The following FARS2 variants were observed in gnomAD, a reference collection of about 807,000 sequenced individuals.
The protein encoded by FARS2 is phenylalanyl-tRNA synthetase 2, mitochondrial.
A neutral mutation model predicts 46.4 loss-of-function variants in FARS2; 40 were observed. The observed-to-expected ratio is 0.86, with a 90% CI of 0.67 to 1.12. The LOEUF (loss-of-function observed/expected upper bound fraction) is 1.12, where lower values mean the gene tolerates loss of function less well. Among genes scored for constraint, FARS2 ranks in the 50% most tolerant of loss-of-function variants. The probability of loss-of-function intolerance (pLI) is 0.00; values close to 1 mark genes in which losing one functional copy is unlikely to be tolerated. For synonymous variants in FARS2, 234 were observed against 214.9 expected (o/e 1.09, Z -0.78); for missense variants, 513 against 567.9 (o/e 0.90, Z 0.98).
intron 6 of FARS2, among the ~76,000 whole-genome samples, chr6:5,656,391 T>C (rs1005866407): frequency 6.6e-6 from 1 of 152,132 alleles, no homozygotes; most frequent in Non-Finnish European, 1.5e-5. Flanking sequence ...GAATTGGAAG[T>C]GTTTGTAGAG....
rs114591011 is a variant in FARS2, at chr6:5,374,619, C to G, written c.612+5437C>G. Among the ~76,000 whole-genome samples the G allele has an allele frequency of 5.6e-3, 851 of 151,788 alleles. 2 individuals carry two copies. Among genetic ancestry groups the G allele is most frequent in the Non-Finnish European group, 9.8e-3 (668 of 67,836 alleles). On this transcript the variant is annotated intron_variant, in intron 2 of 6. Transcript: ENST00000274680. ...TTATGAGGTTAGACATGTTAATATC[C>G]CAACTAGATAAGAAAGAAAACTTTT...
At chr6:5,770,401 T>TTGGTGC (rs1762974371) in intron 6 of FARS2, among the ~76,000 whole-genome samples, 1 of 151,402 alleles carries the variant, frequency 6.6e-6, no homozygotes, top group Non-Finnish European at 1.5e-5. Flanking sequence ...TCTGTTGTTG[T>TTGGTGC]TGCTGCTGCT....
At chr6:5,749,906 C>T (rs1170485209) in intron 6 of FARS2, among the ~76,000 whole-genome samples, 1 of 152,176 alleles carries the variant, frequency 6.6e-6, no homozygotes, top group Admixed American at 6.5e-5. Context: ...CTCCAGCTGG[C>T]CGAGCGGAGT....
At chr6:5,606,403 C>T (rs911480190) in intron 5 of FARS2, among the ~76,000 whole-genome samples, 4 of 151,912 alleles carry the variant, frequency 2.6e-5, no homozygotes, top group African/African-American at 9.6e-5. Flanking sequence ...AAACATGAAG[C>T]TAGAATTTTG....
At position 5,487,867 on chromosome 6, in the gene FARS2, A is replaced by C. The variant is rs113742582; in HGVS notation, c.904+56695A>C. On this transcript the variant is annotated intron_variant, in intron 4 of 6. Transcript: ENST00000274680. ...TTGCTTACGTCACCTGGTCTCCATG[A>C]GGACACATGCTCCATGTGTGTGGCA... 4.5e-3 allele frequency among the ~76,000 whole-genome samples: 691 copies of C among 152,182 alleles called. 1 individual carries two copies. Among genetic ancestry groups the C allele is most frequent in the African/African-American group, 0.016 (657 of 41,508 alleles).
At chr6:5,362,357 C>G (rs1027433677) in intron 1 of FARS2, among the ~76,000 whole-genome samples, 8 of 152,146 alleles carry the variant, frequency 5.3e-5, no homozygotes, top group Admixed American at 5.2e-4. Context: ...AAGTAAGATT[C>G]AGAGAGAGAG....
chr6:5,611,836 G>A (rs1171556289), intron 5 of FARS2, among the ~76,000 whole-genome samples: 1 of 152,152 alleles, frequency 6.6e-6, no homozygotes, highest in Admixed American at 6.5e-5. Flanking sequence ...ACCGTGCCTG[G>A]CATCAGAACT....
At chr6:5,355,847 A>C (rs552577867) in intron 1 of FARS2, among the ~76,000 whole-genome samples, 8 of 152,082 alleles carry the variant, frequency 5.3e-5, no homozygotes, top group Non-Finnish European at 7.4e-5. Flanking sequence ...TACTATGATC[A>C]ATTTCTTGAT....
chr6:5,610,311 T>TAAAA (rs1554115958), intron 5 of FARS2: 7 of 297,920 alleles, frequency 2.3e-5, no homozygotes, highest in Non-Finnish European at 3.6e-5. Flanking sequence ...CAATTCTTTT[T>TAAAA]AAAAAAAAAA....
intron 4 of FARS2, among the ~76,000 whole-genome samples, chr6:5,440,854 T>C (rs895969194): frequency 1.3e-5 from 2 of 152,062 alleles, no homozygotes; most frequent in South Asian, 2.1e-4. Flanking sequence ...TTCCCTTTCT[T>C]TTTTTCTGGT....
chr6:5,354,535 A>G (rs2127613030), intron 1 of FARS2, among the ~76,000 whole-genome samples: 1 of 142,066 alleles, frequency 7.0e-6, no homozygotes, highest in Non-Finnish European at 1.5e-5. Context: ...TTTTTTTGAG[A>G]TGGAGTCTCA....
At chr6:5,362,530 G>A (rs182601190) in intron 1 of FARS2, among the ~76,000 whole-genome samples, 7 of 152,322 alleles carry the variant, frequency 4.6e-5, no homozygotes, top group Admixed American at 2.0e-4. Flanking sequence ...GAATAATGCT[G>A]CAGTGAACAA....
chr6:5,281,704 G>A lies in FARS2; in HGVS notation c.-22+20044G>A, dbSNP rs147679537. Among the ~76,000 whole-genome samples, 209 of 148,728 alleles carry A rather than the reference G, an allele frequency of 1.4e-3. 1 individual carries two copies. The highest frequency in any genetic ancestry group is 4.8e-3 in the African/African-American group (197 of 41,128). Reference sequence around the variant, plus strand: ...AAATTGTTGTCCACAGTGATTGTCCGAACCAATATATAGTAATGATATCTC... The same window carrying A: ...AAATTGTTGTCCACAGTGATTGTCCAAACCAATATATAGTAATGATATCTC... On this transcript the variant is annotated intron_variant, in intron 1 of 6. Transcript: ENST00000274680.
intron 2 of FARS2, among the ~76,000 whole-genome samples, chr6:5,387,680 A>G (rs1760224199): frequency 6.6e-6 from 1 of 152,186 alleles, no homozygotes; most frequent in Non-Finnish European, 1.5e-5. Flanking sequence ...AGCATCTGCT[A>G]TGTTCAGGAC....
intron 1 of FARS2, among the ~76,000 whole-genome samples, chr6:5,353,182 C>T (rs1339071247): frequency 2.6e-5 from 4 of 152,064 alleles, no homozygotes; most frequent in Admixed American, 6.5e-5. Context: ...TCTTTCATTT[C>T]GTTTAACATA....
chr6:5,633,566 C>T (rs533695923), intron 6 of FARS2, among the ~76,000 whole-genome samples: 68 of 152,268 alleles, frequency 4.5e-4, no homozygotes, highest in African/African-American at 1.4e-3. Context: ...CCACGCCCGG[C>T]ACCTGGCTTA....
chr6:5,426,583 A>T (rs1762864660), intron 3 of FARS2, among the ~76,000 whole-genome samples: 1 of 152,216 alleles, frequency 6.6e-6, no homozygotes, highest in African/African-American at 2.4e-5. Flanking sequence ...TTCACTACCA[A>T]TGATTTTTTT....
chr6:5,363,004 G>A (rs1758414635), intron 1 of FARS2, among the ~76,000 whole-genome samples: 1 of 144,050 alleles, frequency 6.9e-6, no homozygotes, highest in Non-Finnish European at 1.5e-5. Flanking sequence ...TCGGCCCACT[G>A]CAAGCTCTGC....
chr6:5,279,388 GA>G (rs1561927633), intron 1 of FARS2, among the ~76,000 whole-genome samples: 9 of 133,898 alleles, frequency 6.7e-5, no homozygotes, highest in South Asian at 2.3e-4. Context: ...AAAAAAAAAA[GA>G]AAAAGAAAAA....
Sources: allele counts gnomAD v4.1 joint callset (sites outside exome capture counted in the v4.1 genomes callset), GRCh38; gene constraint gnomAD v4.1.1; transcripts MANE v1.5; gene names NCBI Gene and HGNC (gene_info 2026-07-23, HGNC 2026-07-21).